The following PCDH11X variants were observed in gnomAD, a reference collection of about 807,000 sequenced individuals.
PCDH11X encodes the protein protocadherin-11 X-linked.
PCDH11X carries 18 observed loss-of-function variants against 53.3 expected under a neutral mutation model. The observed-to-expected ratio is 0.34, with a 90% CI of 0.23 to 0.50. PCDH11X has a LOEUF of 0.50. PCDH11X is among the 20% of genes least tolerant of loss of function. The probability of loss-of-function intolerance (pLI) is 0.98; values close to 1 mark genes in which losing one functional copy is unlikely to be tolerated. For synonymous variants in PCDH11X, 279 were observed against 393.3 expected (o/e 0.71, Z 3.44); for missense variants, 570 against 1,032.4 (o/e 0.55, Z 6.14).
At chrX:91,967,728 A>G (rs747323043) in intron 6 of PCDH11X, among the ~76,000 whole-genome samples, 68 of 112,067 alleles carry the variant, frequency 6.1e-4, no homozygotes, top group African/African-American at 2.0e-3. Flanking sequence ...CATGAGTACA[A>G]TTTTTAAATT....
intron 8 of PCDH11X, among the ~76,000 whole-genome samples, chrX:92,293,905 G>A (rs1448578656): frequency 9.3e-6 from 1 of 107,938 alleles, no homozygotes; most frequent in African/African-American, 3.5e-5. Flanking sequence ...GGGATCCTGG[G>A]TCAGAGAAAA....
intron 8 of PCDH11X, among the ~76,000 whole-genome samples, chrX:92,295,403 T>C (rs2148462764): frequency 9.0e-6 from 1 of 111,198 alleles, no homozygotes; most frequent in East Asian, 2.9e-4. Flanking sequence ...CCTTAGAATA[T>C]TCTATATACA....
chrX:92,133,650 G>A (rs1019591908), intron 6 of PCDH11X, among the ~76,000 whole-genome samples: 5 of 112,551 alleles, frequency 4.4e-5, no homozygotes, highest in African/African-American at 1.6e-4. Flanking sequence ...ACAGGCGTGA[G>A]CCACCGCTCC....
chrX:91,933,692 A>G (rs1473265232), intron 6 of PCDH11X, among the ~76,000 whole-genome samples: 1 of 111,510 alleles, frequency 9.0e-6, no homozygotes, highest in Non-Finnish European at 1.9e-5. Context: ...AAATCCATGC[A>G]TATTTATGAA....
At chrX:91,942,329 A>C (rs192228732) in intron 6 of PCDH11X, among the ~76,000 whole-genome samples, 55 of 111,120 alleles carry the variant, frequency 4.9e-4, no homozygotes, top group African/African-American at 1.8e-3. Context: ...AGCCAGACAT[A>C]AGAAGAGGAG....
chrX:92,374,698 G>C (rs1168398546), intron 8 of PCDH11X, among the ~76,000 whole-genome samples: 2 of 111,360 alleles, frequency 1.8e-5, no homozygotes, highest in African/African-American at 6.6e-5. Context: ...AAGATCCTCT[G>C]GATCTGAGAT....
chrX:91,801,137 G>T (rs1475955944), intron 1 of PCDH11X, among the ~76,000 whole-genome samples: 2 of 91,720 alleles, frequency 2.2e-5, no homozygotes, highest in African/African-American at 8.4e-5. Context: ...CCATGATCAT[G>T]CCACTGCACT....
rs1416185185 is a variant in PCDH11X, at chrX:92,288,735, T to A, written c.3144+25592T>A. ...ATTTCTGTGATTTGTTTTAAGAATT[T>A]AATTATAGATTTTAATCTTGATGTG... On this transcript the variant is annotated intron_variant, in intron 8 of 10. Coordinates refer to ENST00000682573, the MANE Select transcript of PCDH11X (RefSeq NM_032968.5). Among the ~76,000 whole-genome samples, 3 of 111,116 alleles carry A rather than the reference T, an allele frequency of 2.7e-5. 1 individual carries two copies. Among genetic ancestry groups the A allele is most frequent in the Non-Finnish European group, 5.7e-5 (3 of 53,021 alleles).
At chrX:91,798,309 C>T (rs1306458489) in intron 1 of PCDH11X, 2 of 111,370 alleles carry the variant, frequency 1.8e-5, no homozygotes, top group African/African-American at 3.3e-5. Context: ...GTGTTACAGG[C>T]CAGGCGTGTT....
rs185702967 is a variant in PCDH11X at position 92,399,535 on chromosome X, A to G, written c.3343+11602A>G. On this transcript the variant is annotated intron_variant, in intron 9 of 10. Coordinates refer to ENST00000682573, the MANE Select transcript of PCDH11X (RefSeq NM_032968.5). The stretch of plus-strand genomic sequence containing the variant: ...CACATTGTATTATATTTTAAGATAC[A>G]TAAAATTTTACCATACTGGAGTTTG... Among the ~76,000 whole-genome samples, 893 of 111,905 alleles carry G rather than the reference A, an allele frequency of 8.0e-3. 15 individuals are homozygous for G. The highest frequency in any genetic ancestry group is 0.028 in the African/African-American group (863 of 30,791).
intron 8 of PCDH11X, among the ~76,000 whole-genome samples, chrX:92,265,128 C>T (rs190851174): frequency 4.8e-4 from 52 of 109,253 alleles, no homozygotes; most frequent in African/African-American, 1.5e-3. Flanking sequence ...TGCAATGGCA[C>T]GATGGATCAC....
intron 6 of PCDH11X, among the ~76,000 whole-genome samples, chrX:92,018,524 C>T (rs1194731937): frequency 8.9e-6 from 1 of 111,914 alleles, no homozygotes; most frequent in East Asian, 2.8e-4. Flanking sequence ...ACAATGGTAG[C>T]CCACTTGTGA....
intron 6 of PCDH11X, among the ~76,000 whole-genome samples, chrX:92,148,018 TCCTTCCTTCCTTTCCTTCTTTC>T (rs2065328508): frequency 1.1e-5 from 1 of 89,536 alleles, no homozygotes; most frequent in African/African-American, 4.3e-5. Context: ...TTTCTTTCCT[TCCTTCCTTCCTTTCCTTCTTTC>T]CCTTCCTTCC....
chrX:92,485,357 T>A (rs1462744331), intron 10 of PCDH11X, among the ~76,000 whole-genome samples: 1 of 111,244 alleles, frequency 9.0e-6, no homozygotes, highest in African/African-American at 3.3e-5. Context: ...TTCACATGTT[T>A]TTATACATCA....
At chrX:92,470,408 C>T (rs1464857962) in intron 10 of PCDH11X, among the ~76,000 whole-genome samples, 15 of 100,592 alleles carry the variant, frequency 1.5e-4, no homozygotes, top group Non-Finnish European at 1.4e-4. Context: ...AACAATTTTA[C>T]TTCTTCCATT....
At chrX:92,481,378 G>T (rs925278667) in intron 10 of PCDH11X, among the ~76,000 whole-genome samples, 8 of 111,453 alleles carry the variant, frequency 7.2e-5, no homozygotes, top group Non-Finnish European at 1.5e-4. Flanking sequence ...ACACTCACCA[G>T]CAAGGCAATA....
At chrX:92,096,432 A>ATGTGTG (rs1256578143) in intron 6 of PCDH11X, among the ~76,000 whole-genome samples, 2 of 65,572 alleles carry the variant, frequency 3.1e-5, no homozygotes, top group Admixed American at 4.0e-4. Flanking sequence ...AGTGGAGTGT[A>ATGTGTG]TGTGTATGTG....
chrX:92,605,557 T>C (rs988743069), intron 10 of PCDH11X, among the ~76,000 whole-genome samples: 17 of 112,103 alleles, frequency 1.5e-4, no homozygotes, highest in African/African-American at 4.9e-4. Flanking sequence ...TTGAAGATGA[T>C]ATGAGTTTCT....
At chrX:92,576,688 A>G (rs1184781640) in intron 10 of PCDH11X, among the ~76,000 whole-genome samples, 3 of 110,290 alleles carry the variant, frequency 2.7e-5, no homozygotes, top group Non-Finnish European at 5.7e-5. Flanking sequence ...ACACAAAAAG[A>G]AAAGTAATAA....
Sources: gnomAD v4.1 joint callset for allele counts (sites outside exome capture counted in the v4.1 genomes callset) on GRCh38, gnomAD v4.1.1 for gene constraint, MANE v1.5 for transcripts, NCBI Gene and HGNC (gene_info 2026-07-23, HGNC 2026-07-21) for gene names.